The following AXIN2 variants were observed in gnomAD, a reference collection of about 807,000 sequenced individuals.
AXIN2 encodes the protein axin 2.
A neutral mutation model predicts 74.7 loss-of-function variants in AXIN2; 21 were observed. The observed-to-expected ratio is 0.28, with a 90% CI of 0.20 to 0.40. The LOEUF is 0.40. Among genes scored for constraint, AXIN2 ranks in the 10% least tolerant of loss-of-function variants. AXIN2 has a pLI of 1.00. For missense variants in AXIN2, 1,144 were observed against 1,111.1 expected, an observed-to-expected ratio of 1.03 and a Z score of -0.42; for synonymous variants, 532 against 454.9, an observed-to-expected ratio of 1.17 and a Z score of -2.16.
chr17:65,536,087 T>C (rs1376469191), intron 8 of AXIN2, among the ~76,000 whole-genome samples: 4 of 152,238 alleles, frequency 2.6e-5, no homozygotes, highest in Non-Finnish European at 5.9e-5. Context: ...CTCCCAATTC[T>C]AGGCATGACT....
intron 1 of AXIN2, 35 bp from the exon 2 acceptor site, chr17:65,558,771 A>C: frequency 2.5e-6 from 2 of 797,304 alleles, no homozygotes; most frequent in Non-Finnish European, 4.2e-6. Flanking sequence ...GTGGGGAGAG[A>C]GAAAAGGGTA....
At chr17:65,535,777 T>A (rs1304421330) in intron 8 of AXIN2, 56 bp from the exon 9 acceptor site, 1 of 1,511,052 alleles carries the variant, frequency 6.6e-7, no homozygotes, top group African/African-American at 1.4e-5. Flanking sequence ...CCCAGAGCAA[T>A]TGAAAAGCAG....
intron 3 of AXIN2, among the ~76,000 whole-genome samples, chr17:65,545,059 A>G (rs1447440517): frequency 6.6e-6 from 1 of 152,202 alleles, no homozygotes; most frequent in African/African-American, 2.4e-5. Context: ...ACAAATAAAT[A>G]ACTCGCGACA....
rs982629650 is a variant in AXIN2, at chr17:65,531,201, A to AAT, written c.2406-1100_2406-1099insAT. Among the ~76,000 whole-genome samples the AAT allele has an allele frequency of 8.1e-4, 123 of 151,744 alleles. 1 individual carries two copies. Among genetic ancestry groups the AAT allele is most frequent in the African/African-American group, 2.5e-3 (104 of 41,360 alleles). On this transcript the variant is annotated intron_variant, in intron 10 of 10. Coordinates refer to ENST00000307078, the MANE Select transcript of AXIN2 (RefSeq NM_004655.4). ...GGCTTTGTCTTTTCCCTTTAAAAAA[A>AAT]AAAAAATTAACTCCCCTTGGTTAGA...
intron 4 of AXIN2, among the ~76,000 whole-genome samples, chr17:65,540,419 C>A (rs1283707290): frequency 6.6e-6 from 1 of 152,198 alleles, no homozygotes; most frequent in East Asian, 1.9e-4. Context: ...GCTCACCAAG[C>A]TGTAGAGAAG....
At chr17:65,535,581 T>G (rs1449740369) in intron 9 of AXIN2, 45 bp downstream of exon 9, 2 of 1,571,666 alleles carry the variant, frequency 1.3e-6, no homozygotes, top group African/African-American at 2.7e-5. Flanking sequence ...TTCTGAAACA[T>G]AAAGCACTCG....
At chr17:65,530,310 C>T (rs2043795742) in intron 10 of AXIN2, among the ~76,000 whole-genome samples, 1 of 152,208 alleles carries the variant, frequency 6.6e-6, no homozygotes, top group African/African-American at 2.4e-5. Flanking sequence ...GAAGGCCAGG[C>T]ACCCACTGAG....
In AXIN2 at chr17:65,538,166, G is replaced by C. The variant is rs775294617; in HGVS notation, c.1200+37C>G. On this transcript the variant is annotated intron_variant, in intron 5 of 10. Coordinates refer to ENST00000307078, the MANE Select transcript of AXIN2 (RefSeq NM_004655.4). ...GCATACACATACGAGCGCTCACGCC[G>C]TGGACGGAAGCAGGAAGAAGGCCTA... 1.2e-5 allele frequency: 19 copies of C among 1,613,710 alleles called. No homozygotes were observed. The Admixed American group carries it at 2.0e-4, about 17-fold the overall frequency.
At chr17:65,540,436 T>C (rs1242725641) in intron 4 of AXIN2, among the ~76,000 whole-genome samples, 2 of 152,198 alleles carry the variant, frequency 1.3e-5, no homozygotes, top group Admixed American at 1.3e-4. Context: ...GAAGCATGGA[T>C]CATCTAGCAT....
chr17:65,531,838 T>C (rs543924053), intron 10 of AXIN2, among the ~76,000 whole-genome samples: 45 of 152,310 alleles, frequency 3.0e-4, no homozygotes, highest in African/African-American at 1.0e-3. Flanking sequence ...TGTTTGCTTT[T>C]TGAACCCCTG....
chr17:65,558,204 A>T lies in AXIN2; in HGVS notation c.417T>A (p.Ile139=). Residue 139 remains isoleucine, a synonymous_variant, in exon 2 of 11, where the codon ATT becomes ATA. Transcript: ENST00000307078. The part of the protein sequence containing the change: ...RVAKAIYKRY[I]ENNSIVSKQL... ...GCTTGGAGACAATGCTGTTGTTCTC[A>T]ATGTACCTTTTGTAGATCGCTTTGG... is the stretch of plus-strand genomic sequence containing the variant. The T allele has an allele frequency of 1.2e-6, 2 of 1,614,112 alleles. No individual in the cohort carries two copies. The highest frequency in any genetic ancestry group is 1.7e-6 in the Non-Finnish European group (2 of 1,180,006).
Position 65,536,437 on chromosome 17 carries a change from C to CG in AXIN2, c.2023dup (p.Arg675ProfsTer32), listed in dbSNP as rs1555577121. 1.2e-6 allele frequency: 2 copies of CG among 1,601,382 alleles called. No individual in the cohort carries two copies. The highest frequency in any genetic ancestry group is 8.5e-7 in the Non-Finnish European group (1 of 1,179,606). ...AGGGTCCTGGGTGAACAGGTGGGCACGGGGGGTGGTGCGGGGGTGCCCGCT... is the reference window on the plus strand; with the variant it reads ...AGGGTCCTGGGTGAACAGGTGGGCACGGGGGGGTGGTGCGGGGGTGCCCGCT... On this transcript the variant is annotated frameshift_variant, in exon 8 of 11. Coordinates refer to ENST00000307078, the MANE Select transcript of AXIN2 (RefSeq NM_004655.4). LOFTEE classifies it high-confidence loss of function.
intron 1 of AXIN2, chr17:65,560,116 G>GA (rs2044341401): frequency 6.6e-6 from 1 of 152,462 alleles, no homozygotes; most frequent in Non-Finnish European, 1.5e-5. Context: ...CGGGCGGGGG[G>GA]TCGGTCCCCG....
intron 3 of AXIN2, among the ~76,000 whole-genome samples, chr17:65,544,047 C>T (rs566377836): frequency 1.1e-4 from 16 of 152,256 alleles, no homozygotes; most frequent in Admixed American, 7.2e-4. Flanking sequence ...GATGACTCTG[C>T]TTCAGCCCTG....
intron 10 of AXIN2, 83 bp downstream of exon 10, chr17:65,533,819 CTAGGTCTGCT>C: frequency 7.8e-7 from 1 of 1,276,878 alleles, no homozygotes; most frequent in Non-Finnish European, 1.1e-6. Flanking sequence ...CCTGCCCCAC[CTAGGTCTGCT>C]CAGCCAGGGG....
chr17:65,530,841 T>C (rs905233239), intron 10 of AXIN2, among the ~76,000 whole-genome samples: 7 of 152,230 alleles, frequency 4.6e-5, no homozygotes, highest in African/African-American at 1.4e-4. Context: ...TTATGCCCGT[T>C]GATTAAAGGC....
At chr17:65,536,842 G>T (rs370558230) in intron 7 of AXIN2, 27 bp downstream of exon 7, 13 of 1,612,324 alleles carry the variant, frequency 8.1e-6, no homozygotes, top group Non-Finnish European at 8.5e-7. Context: ...GACCCTCGCG[G>T]CCGCGGCGGC....
In AXIN2 at chr17:65,558,749, G is replaced by C. The variant is rs1460068986; in HGVS notation, c.-116-13C>G. ...CTGAACCTCCTCTCTGGAAAGAAAA[G>C]GAAGGGGGGAGGTGGGGAGAGAGAA... is the stretch of plus-strand genomic sequence containing the variant. On this transcript the variant is annotated splice_polypyrimidine_tract_variant and intron_variant, in intron 1 of 10. Transcript: ENST00000307078. 1 of 949,348 alleles carries C rather than the reference G, an allele frequency of 1.1e-6. No homozygotes were observed. The highest frequency in any genetic ancestry group is 1.6e-6 in the Non-Finnish European group (1 of 617,344). The allele number at this position is 949,348 out of a possible 1,614,324, so 58.8% of individuals were successfully genotyped here.
intron 3 of AXIN2, among the ~76,000 whole-genome samples, chr17:65,546,400 C>T (rs1222981542): frequency 6.6e-6 from 1 of 152,166 alleles, no homozygotes; most frequent in Non-Finnish European, 1.5e-5. Context: ...CCCGGGTGAC[C>T]GCCCGGTGCT....
Sources: gnomAD v4.1 joint callset for allele counts (sites outside exome capture counted in the v4.1 genomes callset) on GRCh38, gnomAD v4.1.1 for gene constraint, MANE v1.5 for transcripts, NCBI Gene and HGNC (gene_info 2026-07-23, HGNC 2026-07-21) for gene names.